Variants in RAD51B observed in about 807,000 individuals in gnomAD.
RAD51B encodes the protein DNA repair protein RAD51 homolog 2.
RAD51B carries 38 observed loss-of-function variants against 42.2 expected under a neutral mutation model. The observed-to-expected ratio is 0.90, with a 90% CI of 0.70 to 1.18. RAD51B has a LOEUF of 1.18. RAD51B is among the 50% of genes most tolerant of loss of function. The pLI is 0.00. For synonymous variants in RAD51B, 154 were observed against 145.2 expected, an observed-to-expected ratio of 1.06 and a Z score of -0.43; for missense variants, 373 against 400.7, an observed-to-expected ratio of 0.93 and a Z score of 0.59.
At chr14:68,676,320 G>A in intron 11 of RAD51B, among the ~76,000 whole-genome samples, 1 of 152,278 alleles carries the variant, frequency 6.6e-6, no homozygotes, top group East Asian at 1.9e-4. Flanking sequence ...CAGCAAGCTG[G>A]CTGTAGACCC....
At chr14:68,082,962 C>T (rs1245716734) in intron 7 of RAD51B, among the ~76,000 whole-genome samples, 2 of 152,160 alleles carry the variant, frequency 1.3e-5, no homozygotes, top group African/African-American at 2.4e-5. Flanking sequence ...GGACACTCTC[C>T]TAAGGTAAAA....
intron 11 of RAD51B, among the ~76,000 whole-genome samples, chr14:68,673,379 A>C (rs1444149238): frequency 2.1e-5 from 3 of 142,236 alleles, no homozygotes; most frequent in Non-Finnish European, 3.0e-5. Context: ...CACTGTACAC[A>C]CAAATATATA....
chr14:68,148,530 A>G (rs553908964), intron 7 of RAD51B, among the ~76,000 whole-genome samples: 80 of 152,340 alleles, frequency 5.3e-4, no homozygotes, highest in African/African-American at 1.8e-3. Flanking sequence ...ATGTTCCCCA[A>G]CTTACAATGG....
At chr14:68,247,287 C>A (rs1000998204) in intron 7 of RAD51B, among the ~76,000 whole-genome samples, 12 of 151,798 alleles carry the variant, frequency 7.9e-5, no homozygotes, top group Admixed American at 2.6e-4. Context: ...ACTTGTAGGA[C>A]ATTTCTGAAA....
chr14:68,169,908 T>C (rs777240455), intron 7 of RAD51B, among the ~76,000 whole-genome samples: 4 of 152,234 alleles, frequency 2.6e-5, no homozygotes, highest in Non-Finnish European at 4.4e-5. Context: ...TAAACAAGTC[T>C]TGTTTATATG....
intron 9 of RAD51B, among the ~76,000 whole-genome samples, chr14:68,434,314 T>C (rs146609519): frequency 6.7e-4 from 102 of 152,282 alleles, no homozygotes; most frequent in African/African-American, 2.4e-3. Context: ...CTGCTGCCTT[T>C]TGTTCAGCTA....
In RAD51B at chr14:67,869,573, G is replaced by A. The variant is rs558242164; in HGVS notation, c.452+4434G>A. On this transcript the variant is annotated intron_variant, in intron 5 of 10. Transcript: ENST00000471583. ...AAGGCAAGCCAACATTCAGATTCAG[G>A]AAATACAGAGAACGCCACAAAGATA... Among the ~76,000 whole-genome samples the A allele has an allele frequency of 9.3e-4, 141 of 152,236 alleles. 1 individual carries two copies. The highest frequency in any genetic ancestry group is 2.7e-3 in the Admixed American group (41 of 15,282).
At chr14:67,957,167 AG>A in intron 7 of RAD51B, among the ~76,000 whole-genome samples, 1 of 152,378 alleles carries the variant, frequency 6.6e-6, no homozygotes, top group South Asian at 2.1e-4. Context: ...CACAAGGAAA[AG>A]TACAGAAGCA....
intron 5 of RAD51B, among the ~76,000 whole-genome samples, chr14:67,878,856 C>T (rs535674408): frequency 3.9e-5 from 6 of 152,144 alleles, no homozygotes; most frequent in Middle Eastern, 3.4e-3. Flanking sequence ...CCCACCAGTG[C>T]GCCTGCCACC....
intron 9 of RAD51B, among the ~76,000 whole-genome samples, chr14:68,464,409 A>G (rs1368553428): frequency 6.6e-6 from 1 of 152,124 alleles, no homozygotes; most frequent in Admixed American, 6.5e-5. Flanking sequence ...AACATATTTT[A>G]TTTATTTTGT....
At chr14:67,878,628 A>T (rs1365995395) in intron 5 of RAD51B, among the ~76,000 whole-genome samples, 1 of 152,164 alleles carries the variant, frequency 6.6e-6, no homozygotes, top group African/African-American at 2.4e-5. Flanking sequence ...TAGGAATTTA[A>T]ACTGGAAAAT....
rs1188806043 is a variant in RAD51B, at chr14:68,322,268, A to G, written c.853+30288A>G. Among the ~76,000 whole-genome samples the G allele has an allele frequency of 2.0e-5, 3 of 152,358 alleles. No individual in the cohort carries two copies. The East Asian group carries it at 5.8e-4, about 29-fold the overall frequency. Reference sequence around the variant, plus strand: ...AATCTGACTGGCAGTTTGAAGGCCTATAAGAGAGCATATTACATAATTTCA... The same window carrying G: ...AATCTGACTGGCAGTTTGAAGGCCTGTAAGAGAGCATATTACATAATTTCA... On this transcript the variant is annotated intron_variant, in intron 8 of 10. Transcript: ENST00000471583.
intron 8 of RAD51B, among the ~76,000 whole-genome samples, chr14:68,330,958 G>T (rs1330401702): frequency 1.3e-5 from 2 of 152,140 alleles, no homozygotes; most frequent in South Asian, 4.1e-4. Context: ...CAACTTAATT[G>T]GCATAATTTT....
At chr14:68,298,478 T>C (rs117226520) in intron 8 of RAD51B, among the ~76,000 whole-genome samples, 2,610 of 152,320 alleles carry the variant, frequency 0.017, 34 homozygotes, top group Middle Eastern at 0.054. Context: ...AGAGGTTTCT[T>C]TGGGGAGCAG....
At chr14:68,596,017 C>T, downstream of RAD51B, 2 of 1,007,486 alleles carry the variant, frequency 2.0e-6, no homozygotes, top group Non-Finnish European at 2.4e-6. Flanking sequence ...GGGAAAAATA[C>T]ATTAAGAAAA....
intron 7 of RAD51B, among the ~76,000 whole-genome samples, chr14:68,012,271 T>C (rs1284448941): frequency 6.6e-6 from 1 of 152,118 alleles, no homozygotes; most frequent in African/African-American, 2.4e-5. Context: ...ATAATAAAGA[T>C]GGGTTTATTA....
At chr14:67,849,932 C>CA (rs2041748385) in intron 4 of RAD51B, among the ~76,000 whole-genome samples, 1 of 152,140 alleles carries the variant, frequency 6.6e-6, no homozygotes, top group South Asian at 2.1e-4. Flanking sequence ...GGTGGTGTTA[C>CA]AAAAATTGGA....
intron 7 of RAD51B, among the ~76,000 whole-genome samples, chr14:67,963,595 G>T (rs569089626): frequency 1.4e-4 from 21 of 152,062 alleles, no homozygotes; most frequent in Admixed American, 1.1e-3. Flanking sequence ...TTATGGATGT[G>T]TTAATATATT....
At chr14:68,092,334 TG>T (rs2077114888) in intron 7 of RAD51B, among the ~76,000 whole-genome samples, 1 of 152,240 alleles carries the variant, frequency 6.6e-6, no homozygotes, top group African/African-American at 2.4e-5. Context: ...TCCATCAGCA[TG>T]GAATGTTCTT....
Sources: allele counts gnomAD v4.1 joint callset (sites outside exome capture counted in the v4.1 genomes callset), GRCh38; gene constraint gnomAD v4.1.1; transcripts MANE v1.5; gene names NCBI Gene and HGNC (gene_info 2026-07-23, HGNC 2026-07-21).